The following OR3A2 variants were observed in gnomAD, a reference collection of about 807,000 sequenced individuals.
OR3A2 encodes the protein olfactory receptor family 3 subfamily A member 2.
For missense variants in OR3A2, 318 were observed against 392.8 expected, an observed-to-expected ratio of 0.81 and a Z score of 1.61; for synonymous variants, 126 against 159.3, an observed-to-expected ratio of 0.79 and a Z score of 1.57.
intron 2 of OR3A2, among the ~76,000 whole-genome samples, chr17:3,360,630 A>G (rs1350710686): frequency 6.6e-6 from 1 of 151,720 alleles, no homozygotes; most frequent in Non-Finnish European, 1.5e-5. Context: ...TCAGCTTTCT[A>G]CATATGGCTA....
chr17:3,338,509 C>T (rs1438231253), intron 2 of OR3A2, among the ~76,000 whole-genome samples: 2 of 152,162 alleles, frequency 1.3e-5, no homozygotes, highest in African/African-American at 4.8e-5. Context: ...GTTTTCTCAG[C>T]ACCATTTATT....
intron 2 of OR3A2, among the ~76,000 whole-genome samples, chr17:3,336,670 C>A (rs1383312274): frequency 1.3e-5 from 2 of 151,990 alleles, no homozygotes; most frequent in African/African-American, 4.8e-5. Flanking sequence ...AAGATGTATC[C>A]AAATCTTACA....
intron 2 of OR3A2, among the ~76,000 whole-genome samples, chr17:3,360,353 C>G (rs527576208): frequency 1.6e-4 from 24 of 151,672 alleles, no homozygotes; most frequent in Non-Finnish European, 3.4e-4. Flanking sequence ...AAAATTTTCT[C>G]CTATTCTGTA....
At chr17:3,319,771 A>G (rs1019725781) in intron 3 of OR3A2, among the ~76,000 whole-genome samples, 2 of 152,048 alleles carry the variant, frequency 1.3e-5, no homozygotes, top group South Asian at 2.1e-4. Context: ...AATCCAGTCT[A>G]TTGTTGTTGG....
chr17:3,313,622 A>G (rs531803227), intron 3 of OR3A2, among the ~76,000 whole-genome samples: 16 of 152,248 alleles, frequency 1.1e-4, no homozygotes, highest in African/African-American at 3.6e-4. Context: ...CTCAATCTTC[A>G]TCTTTCAACC....
At chr17:3,367,426 T>C (rs965193400) in intron 2 of OR3A2, among the ~76,000 whole-genome samples, 1 of 144,006 alleles carries the variant, frequency 6.9e-6, no homozygotes, top group Non-Finnish European at 1.5e-5. Flanking sequence ...TGCGTCCTCA[T>C]AGCTTAGCTC....
intron 2 of OR3A2, among the ~76,000 whole-genome samples, chr17:3,376,496 G>A (rs1281303182): frequency 6.6e-6 from 1 of 152,020 alleles, no homozygotes; most frequent in Non-Finnish European, 1.5e-5. Flanking sequence ...GTGGTTCTCA[G>A]ACCACTGGAG....
chr17:3,376,375 G>A (rs1401648078), intron 2 of OR3A2, among the ~76,000 whole-genome samples: 4 of 152,170 alleles, frequency 2.6e-5, no homozygotes, highest in Non-Finnish European at 5.9e-5. Flanking sequence ...TTTGTCTTTG[G>A]CTACCAGGGT....
intron 2 of OR3A2, among the ~76,000 whole-genome samples, chr17:3,380,876 G>A (rs2049729208): frequency 1.3e-5 from 2 of 152,182 alleles, no homozygotes. Context: ...AGGCAAGAGA[G>A]AGCGAGAGGA....
At chr17:3,380,864 T>C (rs2049728997) in intron 2 of OR3A2, among the ~76,000 whole-genome samples, 1 of 152,088 alleles carries the variant, frequency 6.6e-6, no homozygotes, top group South Asian at 2.1e-4. Context: ...CAGGCGGACT[T>C]GAGGCAAGAG....
At position 3,357,911 on chromosome 17, in the gene OR3A2, G is replaced by C. The variant is rs533558852; in HGVS notation, c.-178-21785C>G. ...CCACAAAAACAATTTTTTGATAAAA[G>C]CATCAGAAACCTAATAGGCTAGTGA... On this transcript the variant is annotated intron_variant, in intron 2 of 4. Transcript: ENST00000573491. Among the ~76,000 whole-genome samples the C allele has an allele frequency of 4.9e-4, 74 of 151,620 alleles. 1 individual carries two copies. The highest frequency in any genetic ancestry group is 1.8e-3 in the African/African-American group (73 of 41,030).
At chr17:3,371,894 T>G (rs1306087902) in intron 2 of OR3A2, among the ~76,000 whole-genome samples, 19 of 131,644 alleles carry the variant, frequency 1.4e-4, no homozygotes, top group African/African-American at 3.5e-4. Flanking sequence ...CCCACCTCCC[T>G]CCCGGACGGG....
intron 2 of OR3A2, among the ~76,000 whole-genome samples, chr17:3,346,471 T>TGCCTATCA (rs752147063): frequency 2.0e-5 from 3 of 152,194 alleles, no homozygotes; most frequent in African/African-American, 7.2e-5. Flanking sequence ...GCAGCCACCT[T>TGCCTATCA]GCCTATCAGC....
intron 3 of OR3A2, among the ~76,000 whole-genome samples, chr17:3,326,023 A>G (rs2049168865): frequency 1.3e-5 from 2 of 152,002 alleles, no homozygotes; most frequent in Non-Finnish European, 2.9e-5. Context: ...TCCCGCTTAT[A>G]AGTGAGAACA....
intron 2 of OR3A2, among the ~76,000 whole-genome samples, chr17:3,343,155 A>G (rs929883666): frequency 1.3e-4 from 20 of 152,188 alleles, no homozygotes; most frequent in African/African-American, 4.6e-4. Flanking sequence ...TTCCCGGTAC[A>G]GTCTGTCATG....
At chr17:3,279,264 G>A in intron 1 of OR3A2, 111 bp from the exon 4 acceptor site, 1 of 355,436 alleles carries the variant, frequency 2.8e-6, no homozygotes, top group Non-Finnish European at 5.1e-6. Context: ...TATGTGAGAT[G>A]ATGAATATGT....
chr17:3,325,203 ATT>A (rs61124691), intron 3 of OR3A2, among the ~76,000 whole-genome samples: 34,202 of 107,182 alleles, frequency 0.32, 3,410 homozygotes, highest in Admixed American at 0.44. Flanking sequence ...GATCCTTCCA[ATT>A]TTTTTTTTTT....
intron 1 of OR3A2, among the ~76,000 whole-genome samples, chr17:3,281,314 AC>A (rs1195391551): frequency 6.6e-6 from 1 of 151,042 alleles, no homozygotes; most frequent in Non-Finnish European, 1.5e-5. Flanking sequence ...GCTCACTGCA[AC>A]CTCCGCCTCC....
chr17:3,355,454 C>G (rs1567565977), intron 2 of OR3A2, among the ~76,000 whole-genome samples: 1 of 111,238 alleles, frequency 9.0e-6, no homozygotes, highest in Admixed American at 9.4e-5. Flanking sequence ...CTCTCTCTCT[C>G]TCTCTCTTTA....
Sources: allele counts gnomAD v4.1 joint callset (sites outside exome capture counted in the v4.1 genomes callset), GRCh38; gene constraint gnomAD v4.1.1; transcripts MANE v1.5; gene names NCBI Gene and HGNC (gene_info 2026-07-23, HGNC 2026-07-21).